The following XDH variants were observed in gnomAD, a reference collection of about 807,000 sequenced individuals.
XDH encodes xanthine dehydrogenase, also known as xanthine dehydrogenase/oxidase.
In XDH, 138 loss-of-function variants were observed where a neutral mutation model predicts 156.1. The observed-to-expected ratio is 0.88, with a 90% confidence interval of 0.77 to 1.02. The LOEUF is 1.02. Among genes scored for constraint, XDH ranks in the 50% least tolerant of loss-of-function variants. The pLI, the probability that XDH is intolerant of heterozygous loss-of-function variation, is 0.00. For missense variants in XDH, 1,849 were observed against 1,684.9 expected (o/e 1.10, Z -1.71); for synonymous variants, 669 against 625.7 (o/e 1.07, Z -1.03).
At chr2:31,413,912 T>A (rs952868520) in intron 1 of XDH, among the ~76,000 whole-genome samples, 4 of 152,154 alleles carry the variant, frequency 2.6e-5, no homozygotes, top group Non-Finnish European at 5.9e-5. Context: ...GCAAAGATTC[T>A]CACTCTTGTC....
Position 31,381,705 on chromosome 2 carries a change from T to C in XDH, c.1060A>G (p.Thr354Ala). 1.2e-6 allele frequency: 2 copies of C among 1,613,684 alleles called. No individual in the cohort carries two copies. The highest frequency in any genetic ancestry group is 1.7e-6 in the Non-Finnish European group (2 of 1,179,918). ...TTGAGGTCGGAGATGGGGCTGGCAG[T>C]GATGATGTTCCCTCCAACGGACTAA... ...SVASVGGNII[T>A]ASPISDLNPV... is the part of the protein sequence containing the mutation. The change falls in exon 12 of 36, where the codon ACT becomes GCT. Residue 354 changes from threonine to alanine, a missense_variant. By Grantham distance (58) the Thr-to-Ala change is moderately conservative. Coordinates refer to ENST00000379416, the MANE Select transcript of XDH (RefSeq NM_000379.4).
chr2:31,338,782 G>T lies in XDH; in HGVS notation c.3774+707C>A, dbSNP rs925756940. On this transcript the variant is annotated intron_variant, in intron 34 of 35. Coordinates refer to ENST00000379416, the MANE Select transcript of XDH (RefSeq NM_000379.4). ...TCTGTCGCCCAGGCTGGGGTGCAAT[G>T]GTCCAGTCACGGCTCACTGCAGCCT... Among the ~76,000 whole-genome samples, 3 of 128,600 alleles carry T rather than the reference G, an allele frequency of 2.3e-5. No homozygotes were observed. The Admixed American group carries it at 3.1e-4, about 13-fold the overall frequency. 84.4% of individuals were successfully genotyped at this position (128,600 alleles called of 152,430 possible).
rs1298297968 is a variant in XDH at position 31,383,224 on chromosome 2, TGAA to T, written c.887-75_887-73del. 5.5e-5 allele frequency: 88 copies of T among 1,609,040 alleles called. No individual in the cohort carries two copies. In the African/African-American group the frequency reaches 1.0e-3, roughly 19 times the overall value. ...AAGAGGCTTTCATGCACAGCTCCTC[TGAA>T]GCTTTCCAGCAACTGGAGCAAGGCT... On this transcript the variant is annotated intron_variant, in intron 10 of 35. Coordinates refer to ENST00000379416, the MANE Select transcript of XDH (RefSeq NM_000379.4).
At chr2:31,371,755 T>C (rs1686078122) in intron 17 of XDH, among the ~76,000 whole-genome samples, 1 of 152,124 alleles carries the variant, frequency 6.6e-6, no homozygotes, top group Non-Finnish European at 1.5e-5. Flanking sequence ...CCTGGAGGGA[T>C]CCCGTCTCCA....
intron 11 of XDH, among the ~76,000 whole-genome samples, chr2:31,382,583 C>T (rs978312811): frequency 9.2e-5 from 14 of 152,148 alleles, no homozygotes; most frequent in African/African-American, 3.4e-4. Context: ...CTCTGGTTCT[C>T]CCTATAGCTC....
In XDH at chr2:31,387,830, A is replaced by T. The variant is rs147724051; in HGVS notation, c.632T>A (p.Ile211Asn). 4 of 1,585,348 alleles carry T rather than the reference A, an allele frequency of 2.5e-6. No homozygotes were observed. The highest frequency in any genetic ancestry group is 1.3e-5 in the African/African-American group (1 of 74,650). Residue 211 changes from isoleucine (I) to asparagine (N), a missense_variant, in exon 8 of 36, where the codon ATT becomes AAT. Physicochemically the swap from Ile to Asn is moderately radical, Grantham distance 149 (BLOSUM62 -3). Transcript: ENST00000379416. ...FTPLDPTQEP[I>N]FPPELLRLKD... Reference sequence around the variant, plus strand: ...ACCTACCAGCAACTCTGGGGGAAAAATGGGCTCCTGGGTTGGATCCAGGGG... The same window carrying T: ...ACCTACCAGCAACTCTGGGGGAAAATTGGGCTCCTGGGTTGGATCCAGGGG...
chr2:31,373,200 T>C (rs551108834), intron 16 of XDH, among the ~76,000 whole-genome samples: 1 of 152,336 alleles, frequency 6.6e-6, no homozygotes, highest in South Asian at 2.1e-4. Context: ...TTGTTCAAGG[T>C]TGCACAATTA....
intron 6 of XDH, among the ~76,000 whole-genome samples, chr2:31,396,886 A>G (rs1410131813): frequency 1.3e-5 from 2 of 152,190 alleles, no homozygotes; most frequent in African/African-American, 4.8e-5. Context: ...TTATACGATT[A>G]TACAGACACA....
rs150918237 is a variant in XDH at position 31,373,891 on chromosome 2, G to A, written c.1668C>T (p.Ala556=). Reference sequence around the variant, plus strand: ...TACTCACTTGGAAGAGCTGGACATCGGCTGGGGGGTCTTTCTGAAACAGTA... The same window carrying A: ...TACTCACTTGGAAGAGCTGGACATCAGCTGGGGGGTCTTTCTGAAACAGTA... The part of the protein sequence containing the change: ...ATLLFQKDPP[A]DVQLFQEVPK... The change falls in exon 16 of 36, where the codon GCC becomes GCT. Residue 556 remains alanine, a synonymous_variant. Coordinates refer to ENST00000379416, the MANE Select transcript of XDH (RefSeq NM_000379.4). The A allele has an allele frequency of 1.2e-5, 20 of 1,613,696 alleles. No homozygotes were observed. In the African/African-American group the frequency reaches 1.5e-4, roughly 12 times the overall value.
Position 31,372,396 on chromosome 2 carries a change from T to A in XDH, c.1688A>T (p.Glu563Val). 1 of 1,613,990 alleles carries A rather than the reference T, an allele frequency of 6.2e-7. No homozygotes were observed. The highest frequency in any genetic ancestry group is 8.5e-7 in the Non-Finnish European group (1 of 1,180,042). The part of the protein sequence containing the change: ...DPPADVQLFQ[E>V]VPKGQSEEDM... ...CTCCTCAGACTGACCCTTGGGCACC[T>A]CCTGGAATGACAGGGTCATCAATCA... is the stretch of plus-strand genomic sequence containing the variant. The change falls in exon 17 of 36, where the codon GAG becomes GTG. Residue 563 changes from glutamate (E) to valine (V), a missense_variant and splice_region_variant. Physicochemically the swap from Glu to Val is moderately radical, Grantham distance 121 (BLOSUM62 -2). Transcript: ENST00000379416.
chr2:31,357,085 T>C (rs1298914646), intron 24 of XDH, among the ~76,000 whole-genome samples: 1 of 152,100 alleles, frequency 6.6e-6, no homozygotes, highest in Non-Finnish European at 1.5e-5. Context: ...ATGGGACCTG[T>C]CTAAAGTAGT....
In XDH at chr2:31,390,870, A is replaced by C. The variant is rs529067755; in HGVS notation, c.496-2575T>G. ...TTAGTTGTTCATTGTCTTATTGCTG[A>C]GTTTTATAAGTTCTTTGTATATTTG... On this transcript the variant is annotated intron_variant, in intron 6 of 35. Transcript: ENST00000379416. Among the ~76,000 whole-genome samples, 27 of 152,212 alleles carry C rather than the reference A, an allele frequency of 1.8e-4. No individual in the cohort carries two copies. The South Asian group carries it at 5.0e-3, about 28-fold the overall frequency.
At chr2:31,405,625 G>A (rs1382298079) in intron 2 of XDH, among the ~76,000 whole-genome samples, 1 of 152,130 alleles carries the variant, frequency 6.6e-6, no homozygotes, top group African/African-American at 2.4e-5. Flanking sequence ...GCTCACCAAG[G>A]CTAATGAGGA....
chr2:31,390,815 G>T (rs893966608), intron 6 of XDH, among the ~76,000 whole-genome samples: 2 of 152,154 alleles, frequency 1.3e-5, no homozygotes, highest in Non-Finnish European at 2.9e-5. Flanking sequence ...TGGTGAGGTA[G>T]CTGTGCAGGT....
In XDH at chr2:31,348,000, C is replaced by T. The variant is rs45614836; in HGVS notation, c.3147+268G>A. Among the ~76,000 whole-genome samples the T allele has an allele frequency of 5.8e-3, 879 of 152,286 alleles. 9 individuals are homozygous for T. Among genetic ancestry groups the T allele is most frequent in the African/African-American group, 0.02 (826 of 41,546 alleles). ...GGAGTCTTGGAATGTGGGAAACTCGCGACCTTTACACACAGAGCATGCCCG... is the reference window on the plus strand; with the variant it reads ...GGAGTCTTGGAATGTGGGAAACTCGTGACCTTTACACACAGAGCATGCCCG... On this transcript the variant is annotated intron_variant, in intron 28 of 35. Coordinates refer to ENST00000379416, the MANE Select transcript of XDH (RefSeq NM_000379.4).
At chr2:31,399,377 G>C (rs1352668523) in intron 4 of XDH, among the ~76,000 whole-genome samples, 1 of 152,192 alleles carries the variant, frequency 6.6e-6, no homozygotes. Flanking sequence ...TAGAGACTGA[G>C]CAGAGGAGGA....
Position 31,375,568 on chromosome 2 carries a change from G to T in XDH, c.1428-14C>A, listed in dbSNP as rs756688682. 2 of 1,612,140 alleles carry T rather than the reference G, an allele frequency of 1.2e-6. No homozygotes were observed. Among genetic ancestry groups the T allele is most frequent in the African/African-American group, 2.7e-5 (2 of 74,890 alleles). On this transcript the variant is annotated splice_polypyrimidine_tract_variant and intron_variant, in intron 14 of 35. Transcript: ENST00000379416. ...TCCTTCCAGAGCCTGCCAGAGAGCAGGGCGTGGGACAGCGCTCCCGCCCAG... is the reference window on the plus strand; with the variant it reads ...TCCTTCCAGAGCCTGCCAGAGAGCATGGCGTGGGACAGCGCTCCCGCCCAG...
chr2:31,338,418 T>C (rs954829425), intron 34 of XDH, among the ~76,000 whole-genome samples: 1 of 152,196 alleles, frequency 6.6e-6, no homozygotes, highest in South Asian at 2.1e-4. Flanking sequence ...GCAAAATTTC[T>C]AGGCGTGGGC....
intron 30 of XDH, among the ~76,000 whole-genome samples, chr2:31,345,744 T>C (rs541553660): frequency 3.3e-5 from 5 of 152,276 alleles, no homozygotes; most frequent in African/African-American, 4.8e-5. Flanking sequence ...CGCATGTGTA[T>C]GTATGTGTTG....
Sources: allele counts gnomAD v4.1 joint callset (sites outside exome capture counted in the v4.1 genomes callset), GRCh38; gene constraint gnomAD v4.1.1; transcripts MANE v1.5; gene names NCBI Gene and HGNC (gene_info 2026-07-23, HGNC 2026-07-21).